ERBB4: variants seen among roughly 807,000 people sequenced by gnomAD.
The protein encoded by ERBB4 is erb-b2 receptor tyrosine kinase 4.
A neutral mutation model predicts 158.0 loss-of-function variants in ERBB4; 42 were observed. That is an observed-to-expected ratio of 0.27 (90% CI 0.21 to 0.34). The LOEUF (loss-of-function observed/expected upper bound fraction) is 0.34. Ranked by LOEUF, ERBB4 falls within the 10% of genes least tolerant of loss-of-function variation. ERBB4 has a pLI of 1.00. For missense variants in ERBB4, 1,333 were observed against 1,624.1 expected (o/e 0.82, Z 3.08); for synonymous variants, 583 against 558.7 (o/e 1.04, Z -0.61).
intron 1 of ERBB4, among the ~76,000 whole-genome samples, chr2:212,420,123 T>C (rs139866708): frequency 6.6e-6 from 1 of 152,186 alleles, no homozygotes; most frequent in Non-Finnish European, 1.5e-5. Context: ...GTGATATGTA[T>C]TTTCATTTTA....
rs1026315119 is a variant in ERBB4 at position 211,381,886 on chromosome 2, T to C, written c.*1729A>G. ...AGAATTTTCAGAAAAGGGCGACTTA[T>C]ATCTAAGTTTCCTAATTATTGATGT... On this transcript the variant is annotated 3_prime_UTR_variant, in exon 28 of 28. Coordinates refer to ENST00000342788, the MANE Select transcript of ERBB4 (RefSeq NM_005235.3). 2.2e-5 allele frequency: 5 copies of C among 229,260 alleles called. No individual in the cohort carries two copies. The highest frequency in any genetic ancestry group is 4.3e-5 in the Non-Finnish European group (5 of 115,610). 14.2% of individuals were successfully genotyped at this position (229,260 alleles called of 1,614,324 possible). A position where few individuals can be genotyped will look rare whatever the true frequency, so the allele number is the denominator to read the frequency against.
chr2:211,732,816 A>G (rs1030202443), intron 5 of ERBB4, among the ~76,000 whole-genome samples: 11 of 152,166 alleles, frequency 7.2e-5, no homozygotes, highest in Non-Finnish European at 1.2e-4. Context: ...TCTCTACTAA[A>G]AAGTACAAAA....
intron 20 of ERBB4, among the ~76,000 whole-genome samples, chr2:211,492,794 A>G (rs1408681037): frequency 6.6e-6 from 1 of 152,172 alleles, no homozygotes; most frequent in African/African-American, 2.4e-5. Context: ...TAATAACATT[A>G]GAAATAAAAT....
chr2:212,520,686 T>C (rs1199519748), intron 1 of ERBB4, among the ~76,000 whole-genome samples: 1 of 152,012 alleles, frequency 6.6e-6, no homozygotes, highest in Non-Finnish European at 1.5e-5. Flanking sequence ...TTGAAAAAGT[T>C]TCCACATTGG....
chr2:211,811,081 G>A (rs1010817837), intron 3 of ERBB4, among the ~76,000 whole-genome samples: 8 of 152,126 alleles, frequency 5.3e-5, no homozygotes, highest in African/African-American at 1.7e-4. Flanking sequence ...TATTTTGCCC[G>A]TTAGTTGATG....
At chr2:212,147,730 C>T (rs980178939) in intron 1 of ERBB4, among the ~76,000 whole-genome samples, 1 of 152,074 alleles carries the variant, frequency 6.6e-6, no homozygotes, top group Non-Finnish European at 1.5e-5. Flanking sequence ...CCAATAAAAT[C>T]AAATTTTGTT....
At chr2:212,445,423 AATGCTGCCACCAGGAGAC>A (rs2092329145) in intron 1 of ERBB4, among the ~76,000 whole-genome samples, 2 of 152,080 alleles carry the variant, frequency 1.3e-5, no homozygotes, top group African/African-American at 4.8e-5. Flanking sequence ...CAGAGGGAGG[AATGCTGCCACCAGGAGAC>A]ACAACAATGA....
intron 2 of ERBB4, among the ~76,000 whole-genome samples, chr2:212,044,712 T>A (rs2077217761): frequency 6.6e-6 from 1 of 152,198 alleles, no homozygotes. Flanking sequence ...TAATATGTTA[T>A]CTGGAGGATC....
chr2:211,494,234 C>A (rs146327022), intron 20 of ERBB4, among the ~76,000 whole-genome samples: 1,687 of 152,194 alleles, frequency 0.011, 34 homozygotes, highest in African/African-American at 0.039. Context: ...AACTCCTGAC[C>A]TCAGGTGATC....
intron 20 of ERBB4, among the ~76,000 whole-genome samples, chr2:211,470,464 C>T (rs905154789): frequency 2.0e-5 from 3 of 152,058 alleles, no homozygotes; most frequent in Non-Finnish European, 4.4e-5. Flanking sequence ...AAGAAAATAA[C>T]CAGTCTCACA....
Position 211,608,800 on chromosome 2 carries a change from G to A in ERBB4, c.2301+10377C>T, listed in dbSNP as rs115218351. ...TCTTGTAATTAGAAAAGGGGCAGGA[G>A]GATATTAGTGCAAATAAAACCATAC... On this transcript the variant is annotated intron_variant, in intron 19 of 27. Transcript: ENST00000342788. 3.8e-3 allele frequency among the ~76,000 whole-genome samples: 577 copies of A among 152,108 alleles called. 3 individuals are homozygous for A. The highest frequency in any genetic ancestry group is 0.013 in the African/African-American group (546 of 41,502).
chr2:211,554,890 T>G (rs2067196238), intron 20 of ERBB4, among the ~76,000 whole-genome samples: 1 of 152,172 alleles, frequency 6.6e-6, no homozygotes. Flanking sequence ...CATATTAAAT[T>G]AATACCTGAG....
At chr2:211,653,395 T>G (rs1040465381) in intron 16 of ERBB4, among the ~76,000 whole-genome samples, 12 of 152,028 alleles carry the variant, frequency 7.9e-5, no homozygotes, top group Non-Finnish European at 1.8e-4. Context: ...AAGAATAACA[T>G]TGCTTAGAAA....
At chr2:212,150,992 A>G (rs1243856925) in intron 1 of ERBB4, among the ~76,000 whole-genome samples, 2 of 152,142 alleles carry the variant, frequency 1.3e-5, no homozygotes, top group African/African-American at 2.4e-5. Context: ...TATTGGTTCC[A>G]TAACTCGGTA....
At chr2:212,130,817 G>A (rs1345600307) in intron 1 of ERBB4, among the ~76,000 whole-genome samples, 3 of 152,112 alleles carry the variant, frequency 2.0e-5, no homozygotes, top group East Asian at 1.9e-4. Context: ...TACAAGGCAC[G>A]TAGCAAGGAA....
In ERBB4 at chr2:212,327,757, G is replaced by T. The variant is rs73068293; in HGVS notation, c.83-202854C>A. ...TTTTTTTTTTGTAGGGGAGAGAAAC[G>T]TTCTAAAATTAGATTCTGATGTTAA... On this transcript the variant is annotated intron_variant, in intron 1 of 27. Coordinates refer to ENST00000342788, the MANE Select transcript of ERBB4 (RefSeq NM_005235.3). Among the ~76,000 whole-genome samples, 705 of 121,770 alleles carry T rather than the reference G, an allele frequency of 5.8e-3. 4 individuals carry two copies. Among genetic ancestry groups the T allele is most frequent in the African/African-American group, 0.021 (671 of 32,222 alleles). The allele number at this position is 121,770 out of a possible 152,430, so 79.9% of individuals were successfully genotyped here.
At chr2:211,720,480 G>C (rs935443474) in intron 7 of ERBB4, among the ~76,000 whole-genome samples, 6 of 152,154 alleles carry the variant, frequency 3.9e-5, no homozygotes, top group African/African-American at 1.4e-4. Flanking sequence ...TTTTGTCACC[G>C]GGAATCTCTA....
intron 2 of ERBB4, among the ~76,000 whole-genome samples, chr2:211,983,407 T>C (rs1170157575): frequency 6.6e-6 from 1 of 152,174 alleles, no homozygotes; most frequent in East Asian, 1.9e-4. Context: ...GCAAGCAGAT[T>C]TGGTGAGAAG....
intron 1 of ERBB4, among the ~76,000 whole-genome samples, chr2:212,291,013 C>T (rs1351700713): frequency 1.3e-5 from 2 of 152,010 alleles, no homozygotes; most frequent in East Asian, 1.9e-4. Flanking sequence ...TGTTTCCATA[C>T]CTATGTATGT....
Sources: allele counts gnomAD v4.1 joint callset (sites outside exome capture counted in the v4.1 genomes callset), GRCh38; gene constraint gnomAD v4.1.1; transcripts MANE v1.5; gene names NCBI Gene and HGNC (gene_info 2026-07-23, HGNC 2026-07-21).